SMAD6: variants seen among roughly 807,000 people sequenced by gnomAD.
SMAD6 encodes SMAD family member 6.
In SMAD6, 103 loss-of-function variants were observed where a neutral mutation model predicts 39.4. The observed-to-expected ratio is 2.62, with a 90% CI of 2.23 to 3.08. SMAD6 has a LOEUF of 3.08. Among genes scored for constraint, SMAD6 ranks in the 30% most tolerant of loss-of-function variants. SMAD6 has a pLI of 0.00. For synonymous variants in SMAD6, 445 were observed against 353.3 expected (o/e 1.26, Z -2.91); for missense variants, 1,104 against 742.9 (o/e 1.49, Z -5.65).
chr15:66,708,135 C>G (rs1441149254), intron 1 of SMAD6: 1 of 152,406 alleles, frequency 6.6e-6, no homozygotes, highest in Non-Finnish European at 1.5e-5. Context: ...TTTCTGATGT[C>G]TTTCTGTCTC....
At chr15:66,721,777 A>T (rs57183043) in intron 3 of SMAD6, among the ~76,000 whole-genome samples, 2 of 152,024 alleles carry the variant, frequency 1.3e-5, no homozygotes, top group Non-Finnish European at 2.9e-5. Context: ...TAAAAGTTAC[A>T]TTGTTTCTGC....
intron 3 of SMAD6, chr15:66,717,090 C>T: frequency 1.6e-6 from 2 of 1,288,736 alleles, no homozygotes; most frequent in Non-Finnish European, 2.0e-6. Context: ...GTCATAGGGA[C>T]CCCTACATCC....
chr15:66,722,770 A>AG (rs1471242324), intron 3 of SMAD6, among the ~76,000 whole-genome samples: 48 of 150,786 alleles, frequency 3.2e-4, no homozygotes, highest in Non-Finnish European at 5.3e-4. Context: ...TAGAGGTGTG[A>AG]GGGGGGGTCG....
At chr15:66,716,099 T>G (rs902039283) in intron 2 of SMAD6, among the ~76,000 whole-genome samples, 6 of 152,226 alleles carry the variant, frequency 3.9e-5, no homozygotes, top group Non-Finnish European at 8.8e-5. Flanking sequence ...TAATTTAACC[T>G]TACCCACGGA....
chr15:66,725,983 G>C (rs1262962784), intron 3 of SMAD6, among the ~76,000 whole-genome samples: 1 of 152,150 alleles, frequency 6.6e-6, no homozygotes, highest in Non-Finnish European at 1.5e-5. Context: ...ACTGCCTTAT[G>C]TATGACATTC....
chr15:66,722,213 C>T (rs954901247), intron 3 of SMAD6, among the ~76,000 whole-genome samples: 1 of 152,176 alleles, frequency 6.6e-6, no homozygotes, highest in Non-Finnish European at 1.5e-5. Context: ...GCAGGGCCTG[C>T]GGAAAGTTGC....
chr15:66,743,066 G>A (rs988100887), intron 3 of SMAD6, among the ~76,000 whole-genome samples: 3 of 152,012 alleles, frequency 2.0e-5, no homozygotes, highest in Admixed American at 6.6e-5. Context: ...TTATAGCCCC[G>A]CCCTGCCATG....
intron 3 of SMAD6, among the ~76,000 whole-genome samples, chr15:66,730,032 C>T (rs577276626): frequency 2.0e-5 from 3 of 152,316 alleles, no homozygotes; most frequent in South Asian, 4.1e-4. Context: ...AGTTAAAGCC[C>T]GAGATCCCAG....
chr15:66,735,543 T>C (rs1893698482), intron 3 of SMAD6, among the ~76,000 whole-genome samples: 1 of 152,220 alleles, frequency 6.6e-6, no homozygotes, highest in South Asian at 2.1e-4. Context: ...GTTGGGTTCT[T>C]AGAAGCACAG....
chr15:66,736,522 C>T (rs938769565), intron 3 of SMAD6, among the ~76,000 whole-genome samples: 9 of 152,172 alleles, frequency 5.9e-5, no homozygotes, highest in African/African-American at 2.2e-4. Flanking sequence ...GGCATTCTCT[C>T]ACCAGGGCCT....
At chr15:66,715,137 A>AT (rs1893303478) in intron 2 of SMAD6, among the ~76,000 whole-genome samples, 1 of 144,694 alleles carries the variant, frequency 6.9e-6, no homozygotes, top group South Asian at 2.2e-4. Context: ...GTCCCGCGTT[A>AT]TTTTTTGGTA....
chr15:66,751,330 C>T (rs763192490), intron 3 of SMAD6, among the ~76,000 whole-genome samples: 4 of 152,178 alleles, frequency 2.6e-5, no homozygotes, highest in South Asian at 2.1e-4. Context: ...TGAACCTACT[C>T]GCCCACCAAT....
At chr15:66,712,456 A>G (rs1391681934) in intron 2 of SMAD6, among the ~76,000 whole-genome samples, 1 of 152,196 alleles carries the variant, frequency 6.6e-6, no homozygotes, top group Non-Finnish European at 1.5e-5. Context: ...AGGAGGACAG[A>G]TCACTTGAGG....
chr15:66,719,912 AG>A (rs1247878581), intron 3 of SMAD6, among the ~76,000 whole-genome samples: 14 of 151,634 alleles, frequency 9.2e-5, no homozygotes, highest in African/African-American at 3.4e-4. Context: ...GTCACTGGGG[AG>A]GGGGGTGGTG....
rs765675013 is a variant in SMAD6 at position 66,781,147 on chromosome 15, T to C, written c.1103T>C (p.Leu368Pro). 2 of 1,608,370 alleles carry C rather than the reference T, an allele frequency of 1.2e-6. No homozygotes were observed. Among genetic ancestry groups the C allele is most frequent in the African/African-American group, 1.3e-5 (1 of 75,050 alleles). Reference sequence around the variant, plus strand: ...CTACCTCAGGGCAGCGGCTTCTGCCTGGGCCAGCTCAACCTGGAGCAGCGC... The same window carrying C: ...CTACCTCAGGGCAGCGGCTTCTGCCCGGGCCAGCTCAACCTGGAGCAGCGC... ...YDLPQGSGFC[L>P]GQLNLEQRSE... The change falls in exon 4 of 4, where the codon CTG becomes CCG. Residue 368 changes from leucine (L) to proline (P), a missense_variant. Leu to Pro is a moderately conservative substitution (Grantham distance 98). Coordinates refer to ENST00000288840, the MANE Select transcript of SMAD6 (RefSeq NM_005585.5).
chr15:66,703,797 T>A lies in SMAD6; in HGVS notation c.539T>A (p.Leu180Gln). 6.9e-7 allele frequency: 1 copy of A among 1,441,790 alleles called. No homozygotes were observed. The highest frequency in any genetic ancestry group is 9.2e-7 in the Non-Finnish European group (1 of 1,087,114). 89.3% of individuals were successfully genotyped at this position (1,441,790 alleles called of 1,614,324 possible). Residue 180 changes from leucine to glutamine, a missense_variant, in exon 1 of 4, where the codon CTG becomes CAG. Physicochemically the swap from Leu to Gln is moderately radical, Grantham distance 113. Coordinates refer to ENST00000288840, the MANE Select transcript of SMAD6 (RefSeq NM_005585.5). ...CTCAAAACCGTCACGTACTCGCTGCTGAAGCGGCTCAAGGAGCGCTCGCTG... is the reference window on the plus strand; with the variant it reads ...CTCAAAACCGTCACGTACTCGCTGCAGAAGCGGCTCAAGGAGCGCTCGCTG... Reference protein sequence around the residue: ...QELKTVTYSLLKRLKERSLDT... With the variant: ...QELKTVTYSLQKRLKERSLDT...
chr15:66,758,291 T>C (rs2140656048), intron 3 of SMAD6, among the ~76,000 whole-genome samples: 1 of 152,332 alleles, frequency 6.6e-6, no homozygotes, highest in East Asian at 1.9e-4. Flanking sequence ...CCCATCCCAG[T>C]CTTCTCTTGA....
chr15:66,716,643 A>T, intron 3 of SMAD6, 145 bp downstream of exon 3: 1 of 697,678 alleles, frequency 1.4e-6, no homozygotes, highest in East Asian at 2.6e-5. Flanking sequence ...AAGGTTGCCA[A>T]TGTTTCAGTC....
chr15:66,781,309 G>A lies in SMAD6; in HGVS notation c.1265G>A (p.Gly422Asp). The change falls in exon 4 of 4, where the codon GGC becomes GAC. Residue 422 changes from glycine (G) to aspartate (D), a missense_variant. Physicochemically the swap from Gly to Asp is moderately conservative, Grantham distance 94 (BLOSUM62 -1). Coordinates refer to ENST00000288840, the MANE Select transcript of SMAD6 (RefSeq NM_005585.5). Reference sequence around the variant, plus strand: ...TCCCCGACGCTGGACGCGCCCGGCGGCCGCGCCCTGGTCGTGCGCAAGGTG... The same window carrying A: ...TCCCCGACGCTGGACGCGCCCGGCGACCGCGCCCTGGTCGTGCGCAAGGTG... Reference protein sequence around the residue: ...VNSPTLDAPGGRALVVRKVPP... With the variant: ...VNSPTLDAPGDRALVVRKVPP... 3 of 1,601,308 alleles carry A rather than the reference G, an allele frequency of 1.9e-6. No homozygotes were observed. Among genetic ancestry groups the A allele is most frequent in the Non-Finnish European group, 1.7e-6 (2 of 1,175,428 alleles).
Sources: allele counts gnomAD v4.1 joint callset (sites outside exome capture counted in the v4.1 genomes callset), GRCh38; gene constraint gnomAD v4.1.1; transcripts MANE v1.5; gene names NCBI Gene and HGNC (gene_info 2026-07-23, HGNC 2026-07-21).